The following PDE1C variants were observed in gnomAD, a reference collection of about 807,000 sequenced individuals.
The protein encoded by PDE1C is dual specificity calcium/calmodulin-dependent 3',5'-cyclic nucleotide phosphodiesterase 1C.
In PDE1C, 62 loss-of-function variants were observed where a neutral mutation model predicts 93.1. The observed-to-expected ratio is 0.67, with a 90% CI of 0.54 to 0.82. The LOEUF (loss-of-function observed/expected upper bound fraction) is 0.82, where lower values mean the gene tolerates loss of function less well. Ranked by LOEUF, PDE1C falls within the 40% of genes least tolerant of loss-of-function variation. PDE1C has a pLI of 0.00. For synonymous variants in PDE1C, 325 were observed against 310.1 expected (o/e 1.05, Z -0.50); for missense variants, 742 against 884.6 (o/e 0.84, Z 2.04).
At chr7:32,100,191 G>A (rs1444869116) in intron 3 of PDE1C, among the ~76,000 whole-genome samples, 1 of 152,204 alleles carries the variant, frequency 6.6e-6, no homozygotes, top group Non-Finnish European at 1.5e-5. Flanking sequence ...AGGGAGGGAA[G>A]AATGAAGGAA....
rs28457234 is a variant in PDE1C, at chr7:32,200,227, T to C, written c.136+9262A>G. Reference sequence around the variant, plus strand: ...TATAGGTTTTTTGTTTTATTTTGTTTTTAATTTTGACTGTGAGCTCATACT... The same window carrying C: ...TATAGGTTTTTTGTTTTATTTTGTTCTTAATTTTGACTGTGAGCTCATACT... On this transcript the variant is annotated intron_variant, in intron 2 of 18. Transcript: ENST00000396193. Among the ~76,000 whole-genome samples the C allele has an allele frequency of 4.3e-3, 655 of 152,340 alleles. 7 individuals carry two copies. Among genetic ancestry groups the C allele is most frequent in the African/African-American group, 0.015 (624 of 41,578 alleles).
intron 2 of PDE1C, among the ~76,000 whole-genome samples, chr7:32,004,425 C>T (rs150276032): frequency 5.3e-5 from 8 of 152,126 alleles, no homozygotes; most frequent in Admixed American, 2.0e-4. Context: ...GGCCACCTGG[C>T]GTCCACTCCT....
chr7:32,404,821 TTGGA>T (rs751093202), intron 1 of PDE1C, among the ~76,000 whole-genome samples: 87 of 152,256 alleles, frequency 5.7e-4, no homozygotes, highest in Non-Finnish European at 1.0e-3. Context: ...GGGAGATAAA[TTGGA>T]TGGGAAGAAG....
chr7:32,052,941 C>G (rs1207333178), intron 1 of PDE1C, among the ~76,000 whole-genome samples: 3 of 151,722 alleles, frequency 2.0e-5, no homozygotes, highest in African/African-American at 4.8e-5. Flanking sequence ...AGCATTATAA[C>G]AGAAAAAAAT....
chr7:31,920,522 T>C (rs905250959), intron 2 of PDE1C, among the ~76,000 whole-genome samples: 1 of 152,128 alleles, frequency 6.6e-6, no homozygotes, highest in Admixed American at 6.5e-5. Context: ...CAAAGGAGAC[T>C]GATCTCAGGG....
chr7:31,714,353 A>G, the PDE1C span, among the ~76,000 whole-genome samples: 1 of 152,042 alleles, frequency 6.6e-6, no homozygotes, highest in Non-Finnish European at 1.5e-5. Context: ...ACTGGATTTC[A>G]TTGTCTATAT....
the PDE1C span, among the ~76,000 whole-genome samples, chr7:31,709,508 T>C: frequency 6.6e-6 from 1 of 152,156 alleles, no homozygotes; most frequent in African/African-American, 2.4e-5. Context: ...TGCCTGAGTA[T>C]TGAATGGGCC....
the PDE1C span, among the ~76,000 whole-genome samples, chr7:31,741,626 G>A: frequency 6.6e-6 from 1 of 151,928 alleles, no homozygotes; most frequent in African/African-American, 2.4e-5. Flanking sequence ...CAAGGTTCTG[G>A]TGACTGGGTT....
At chr7:32,193,223 C>T (rs1200237660) in intron 2 of PDE1C, among the ~76,000 whole-genome samples, 1 of 152,072 alleles carries the variant, frequency 6.6e-6, no homozygotes, top group South Asian at 2.1e-4. Context: ...ACATTCTTGC[C>T]TTGTTCTCAT....
chr7:31,858,055 A>G (rs1794236403), intron 7 of PDE1C, among the ~76,000 whole-genome samples: 1 of 152,200 alleles, frequency 6.6e-6, no homozygotes, highest in African/African-American at 2.4e-5. Flanking sequence ...TCATTAAAAT[A>G]CCGAAAGACT....
chr7:32,139,926 A>G (rs992989567), intron 3 of PDE1C, among the ~76,000 whole-genome samples: 4 of 151,990 alleles, frequency 2.6e-5, no homozygotes, highest in Admixed American at 6.5e-5. Flanking sequence ...CCTAACCATC[A>G]TGCTGAGGAT....
intron 1 of PDE1C, among the ~76,000 whole-genome samples, chr7:32,426,050 T>A (rs770352446): frequency 1.3e-5 from 2 of 152,136 alleles, no homozygotes; most frequent in Non-Finnish European, 2.9e-5. Context: ...ACACAAAAAA[T>A]ATATATATTA....
chr7:31,653,248 GTGGGGAAAGGGTGCTAA>G, the PDE1C span: 4 of 172,354 alleles, frequency 2.3e-5, no homozygotes, highest in East Asian at 5.7e-4. Context: ...TCAACATTTA[GTGGGGAAAGGGTGCTAA>G]TGGGGAAAGA....
At chr7:32,135,229 G>C (rs958708220) in intron 3 of PDE1C, among the ~76,000 whole-genome samples, 2 of 152,236 alleles carry the variant, frequency 1.3e-5, no homozygotes, top group Non-Finnish European at 1.5e-5. Context: ...CTCCTCTCAT[G>C]ATGAGCCCTA....
intron 2 of PDE1C, among the ~76,000 whole-genome samples, chr7:32,197,426 A>G (rs1281197360): frequency 1.3e-5 from 2 of 152,170 alleles, no homozygotes; most frequent in Non-Finnish European, 2.9e-5. Flanking sequence ...TACCATATAA[A>G]CCAGCAATTC....
At chr7:32,411,715 A>G (rs1436272104) in intron 1 of PDE1C, among the ~76,000 whole-genome samples, 1 of 152,192 alleles carries the variant, frequency 6.6e-6, no homozygotes, top group East Asian at 1.9e-4. Flanking sequence ...GTAATAAGCT[A>G]ACCTTAGCTT....
intron 2 of PDE1C, among the ~76,000 whole-genome samples, chr7:31,921,313 C>T (rs767008499): frequency 6.6e-6 from 1 of 152,158 alleles, no homozygotes; most frequent in East Asian, 1.9e-4. Flanking sequence ...GAGAGATGGG[C>T]ATGAACACAG....
chr7:31,854,179 A>C (rs892792882), intron 7 of PDE1C, among the ~76,000 whole-genome samples: 3 of 152,126 alleles, frequency 2.0e-5, no homozygotes, highest in Non-Finnish European at 4.4e-5. Context: ...AGATGACCTC[A>C]ACACTCCTAG....
chr7:32,239,834 T>A (rs1808410090), intron 1 of PDE1C, among the ~76,000 whole-genome samples: 1 of 152,230 alleles, frequency 6.6e-6, no homozygotes, highest in Non-Finnish European at 1.5e-5. Flanking sequence ...TTGTTCTTCC[T>A]CACACCTTTA....
Sources: allele counts gnomAD v4.1 joint callset (sites outside exome capture counted in the v4.1 genomes callset), GRCh38; gene constraint gnomAD v4.1.1; transcripts MANE v1.5; gene names NCBI Gene and HGNC (gene_info 2026-07-23, HGNC 2026-07-21).